The following KCNK10 variants were observed in gnomAD, a reference collection of about 807,000 sequenced individuals.
KCNK10 encodes the protein potassium two pore domain channel subfamily K member 10, also known as potassium channel subfamily K member 10.
Under a neutral mutation model 47.7 loss-of-function variants are expected in KCNK10, and 25 were observed. The ratio of observed to expected loss-of-function variants is 0.52; its 90% CI spans 0.38 to 0.73. The LOEUF (loss-of-function observed/expected upper bound fraction) is 0.73. KCNK10 is among the 30% of genes least tolerant of loss of function. The pLI, the probability that KCNK10 is intolerant of heterozygous loss-of-function variation, is 0.00. For synonymous variants in KCNK10, 303 were observed against 285.6 expected, an observed-to-expected ratio of 1.06 and a Z score of -0.61; for missense variants, 563 against 714.5, an observed-to-expected ratio of 0.79 and a Z score of 2.42.
chr14:88,236,907 C>T (rs897964966), intron 3 of KCNK10, among the ~76,000 whole-genome samples: 1 of 152,132 alleles, frequency 6.6e-6, no homozygotes, highest in Non-Finnish European at 1.5e-5. Context: ...CTGATCAGGG[C>T]GGTGACTGTT....
intron 4 of KCNK10, among the ~76,000 whole-genome samples, chr14:88,208,323 T>C (rs1033090939): frequency 2.0e-5 from 3 of 152,332 alleles, no homozygotes; most frequent in Non-Finnish European, 1.5e-5. Context: ...ACTCTTCCAA[T>C]AGTGGCTCAC....
intron 1 of KCNK10, among the ~76,000 whole-genome samples, chr14:88,310,212 C>CATATCATATGGTATATCATATACT (rs1888293674): frequency 7.5e-6 from 1 of 133,380 alleles, no homozygotes; most frequent in Non-Finnish European, 1.7e-5. Flanking sequence ...TATGATATAC[C>CATATCATATGGTATATCATATACT]ATATCATATG....
intron 3 of KCNK10, among the ~76,000 whole-genome samples, chr14:88,228,319 C>T (rs918706078): frequency 4.5e-5 from 6 of 134,228 alleles, no homozygotes; most frequent in Non-Finnish European, 7.9e-5. Flanking sequence ...TGAAAATACC[C>T]GCAGCAATCT....
Position 88,182,474 on chromosome 14 carries a change from C to G in KCNK10, c.*3061G>C, listed in dbSNP as rs374051728. 1 of 152,452 alleles carries G rather than the reference C, an allele frequency of 6.6e-6. No homozygotes were observed. Among genetic ancestry groups the G allele is most frequent in the South Asian group, 2.1e-4 (1 of 4,828 alleles). The allele number at this position is 152,452 out of a possible 1,614,324, so 9.4% of individuals were successfully genotyped here. On this transcript the variant is annotated 3_prime_UTR_variant, in exon 7 of 7. Coordinates refer to ENST00000319231, the MANE Select transcript of KCNK10 (RefSeq NM_138317.3). ...GTAACTTCAAACCAACTGGCCTCCT[C>G]CAAAATTAGTTTATATGAAGAGGAA...
At chr14:88,263,762 A>T (rs1298136462) in intron 1 of KCNK10, among the ~76,000 whole-genome samples, 4 of 138,314 alleles carry the variant, frequency 2.9e-5, no homozygotes, top group African/African-American at 1.1e-4. Flanking sequence ...GTCCCAGTTT[A>T]AAAAAAAAAA....
chr14:88,325,922 A>G (rs1193624811), upstream of KCNK10, among the ~76,000 whole-genome samples: 1 of 151,794 alleles, frequency 6.6e-6, no homozygotes, highest in Non-Finnish European at 1.5e-5. Flanking sequence ...CAGAATGGCA[A>G]CAGCAGGATG....
At chr14:88,295,087 T>C (rs917310548) in intron 1 of KCNK10, among the ~76,000 whole-genome samples, 3 of 152,234 alleles carry the variant, frequency 2.0e-5, no homozygotes, top group African/African-American at 7.2e-5. Flanking sequence ...TAAATACCTA[T>C]GATGACAAGT....
chr14:88,213,782 C>T (rs1885531813), intron 4 of KCNK10, among the ~76,000 whole-genome samples: 1 of 136,334 alleles, frequency 7.3e-6, no homozygotes, highest in Admixed American at 7.2e-5. Context: ...GAGGAAAGAG[C>T]TAAAATGGCT....
At chr14:88,238,409 G>A (rs1479241293) in intron 3 of KCNK10, among the ~76,000 whole-genome samples, 1 of 152,200 alleles carries the variant, frequency 6.6e-6, no homozygotes, top group Non-Finnish European at 1.5e-5. Context: ...AGTGGCTCAT[G>A]CCTGTAATTC....
chr14:88,316,709 T>A (rs1888437432), intron 1 of KCNK10, among the ~76,000 whole-genome samples: 1 of 152,230 alleles, frequency 6.6e-6, no homozygotes, highest in Non-Finnish European at 1.5e-5. Context: ...CCTTTCTGCA[T>A]CAGCCAAGGG....
rs1053261066 is a variant in KCNK10 at position 88,181,813 on chromosome 14, G to A, written c.*3722C>T. The A allele has an allele frequency of 6.6e-6, 1 of 152,230 alleles. No individual in the cohort carries two copies. Among genetic ancestry groups the A allele is most frequent in the Non-Finnish European group, 1.5e-5 (1 of 68,026 alleles). The allele number at this position is 152,230 out of a possible 1,614,324, so 9.4% of individuals were successfully genotyped here. A position where few individuals can be genotyped will look rare whatever the true frequency, so the allele number is the denominator to read the frequency against. On this transcript the variant is annotated 3_prime_UTR_variant, in exon 7 of 7. Coordinates refer to ENST00000319231, the MANE Select transcript of KCNK10 (RefSeq NM_138317.3). Reference sequence around the variant, plus strand: ...TTATAATTTAATCTTAATAAATTTTGTGAACTCATGGACTAGGGAGTGTTT... The same window carrying A: ...TTATAATTTAATCTTAATAAATTTTATGAACTCATGGACTAGGGAGTGTTT...
chr14:88,265,217 T>A (rs574651285), intron 1 of KCNK10, among the ~76,000 whole-genome samples: 34 of 152,368 alleles, frequency 2.2e-4, no homozygotes, highest in African/African-American at 8.2e-4. Context: ...ATATGAATGT[T>A]ATCTTACATG....
rs1156592071 is a variant in KCNK10, at chr14:88,182,244, C to G, written c.*3291G>C. 1 of 152,272 alleles carries G rather than the reference C, an allele frequency of 6.6e-6. No homozygotes were observed. The highest frequency in any genetic ancestry group is 1.5e-5 in the Non-Finnish European group (1 of 68,028). The allele number at this position is 152,272 out of a possible 1,614,324, so 9.4% of individuals were successfully genotyped here. A position where few individuals can be genotyped will look rare whatever the true frequency, so the allele number is the denominator to read the frequency against. On this transcript the variant is annotated 3_prime_UTR_variant, in exon 7 of 7. Coordinates refer to ENST00000319231, the MANE Select transcript of KCNK10 (RefSeq NM_138317.3). Reference sequence around the variant, plus strand: ...ATTCAGTGCCTGCTTGCCAGTGAAGCAAAAGACAGCCCCCACTGAAGATGG... The same window carrying G: ...ATTCAGTGCCTGCTTGCCAGTGAAGGAAAAGACAGCCCCCACTGAAGATGG...
chr14:88,263,874 G>T (rs536374111), intron 1 of KCNK10, among the ~76,000 whole-genome samples: 14 of 152,188 alleles, frequency 9.2e-5, no homozygotes, highest in African/African-American at 2.9e-4. Flanking sequence ...TAGCTTCCTT[G>T]TTGAAACAAT....
upstream of KCNK10, chr14:88,323,724 T>A (rs1888603931): frequency 6.6e-6 from 1 of 152,140 alleles, no homozygotes; most frequent in Non-Finnish European, 1.5e-5. Context: ...ACACGCTTGG[T>A]TGCCTGGAAG....
intron 1 of KCNK10, among the ~76,000 whole-genome samples, chr14:88,318,696 TC>T (rs1888479169): frequency 6.6e-6 from 1 of 152,048 alleles, no homozygotes; most frequent in South Asian, 2.1e-4. Context: ...GGCCCCAAGA[TC>T]AGATCAAGAT....
chr14:88,310,252 ATT>A lies in KCNK10; in HGVS notation c.52+12493_52+12494del, dbSNP rs1248457953. ...ATGATATACCATATAAATGATATGC[ATT>A]TATCATGGTATATCATAATTACTTG... On this transcript the variant is annotated intron_variant, in intron 1 of 6. Transcript: ENST00000319231. Among the ~76,000 whole-genome samples the A allele has an allele frequency of 3.2e-3, 67 of 20,962 alleles. 5 individuals are homozygous for A. The highest frequency in any genetic ancestry group is 0.018 in the African/African-American group (66 of 3,702). The allele number at this position is 20,962 out of a possible 152,430, so 13.8% of individuals were successfully genotyped here.
rs113676056 is a variant in KCNK10, at chr14:88,260,981, T to C, written c.402+2221A>G. On this transcript the variant is annotated intron_variant, in intron 2 of 6. Transcript: ENST00000319231. The surrounding 1 kb of genome is among the most constrained non-coding windows in gnomAD (Gnocchi z 4.5). The stretch of plus-strand genomic sequence containing the variant: ...TCATTCAGGTCTCTGAGCTCTCTCA[T>C]AAAGATGAGGGTTAAAGAATGGGCA... Among the ~76,000 whole-genome samples, 255 of 152,264 alleles carry C rather than the reference T, an allele frequency of 1.7e-3. No homozygotes were observed. Among genetic ancestry groups the C allele is most frequent in the Non-Finnish European group, 2.5e-3 (170 of 68,020 alleles).
At chr14:88,326,762 C>A (rs1420664089), upstream of KCNK10, 1 of 356,798 alleles carries the variant, frequency 2.8e-6, no homozygotes, top group South Asian at 3.9e-5. Context: ...TAATGAATGC[C>A]GTGTGGCCCG....
Sources: allele counts gnomAD v4.1 joint callset (sites outside exome capture counted in the v4.1 genomes callset), GRCh38; gene constraint gnomAD v4.1.1; non-coding constraint Gnocchi (gnomAD v3.1); transcripts MANE v1.5; gene names NCBI Gene and HGNC (gene_info 2026-07-23, HGNC 2026-07-21).